The following KIAA1586 variants were observed in gnomAD, a reference collection of about 807,000 sequenced individuals.
KIAA1586 encodes KIAA1586.
In KIAA1586, 5 loss-of-function variants were observed where a neutral mutation model predicts 6.1. The ratio of observed to expected loss-of-function variants is 0.82; its 90% CI spans 0.43 to 1.73. The LOEUF is 1.73. KIAA1586 is among the 40% of genes most tolerant of loss of function. KIAA1586 has a pLI of 0.02. For synonymous variants in KIAA1586, 280 were observed against 301.7 expected, an observed-to-expected ratio of 0.93 and a Z score of 0.75; for missense variants, 899 against 878.2, an observed-to-expected ratio of 1.02 and a Z score of -0.30.
rs1828307347 is a variant in KIAA1586 at position 57,050,967 on chromosome 6, C to T, written c.186+113C>T. 8.2e-6 allele frequency: 6 copies of T among 733,944 alleles called. 1 individual carries two copies. Among genetic ancestry groups the T allele is most frequent in the African/African-American group, 3.6e-5 (2 of 55,238 alleles). The allele number at this position is 733,944 out of a possible 1,614,324, so 45.5% of individuals were successfully genotyped here. A position where few individuals can be genotyped will look rare whatever the true frequency, so the allele number is the denominator to read the frequency against. ...ATTGTTGGCCAGGCACGGTGGCTCT[C>T]GCTTGTAATCCCAGCACTTTGGGAG... On this transcript the variant is annotated intron_variant, in intron 3 of 3. Coordinates refer to ENST00000370733, the MANE Select transcript of KIAA1586 (RefSeq NM_020931.4).
At position 57,055,132 on chromosome 6, in the gene KIAA1586, C is replaced by CT. The variant is rs1430960011; in HGVS notation, c.*272dup. 3 of 212,786 alleles carry CT rather than the reference C, an allele frequency of 1.4e-5. No individual in the cohort carries two copies. Among genetic ancestry groups the CT allele is most frequent in the African/African-American group, 6.9e-5 (3 of 43,232 alleles). 13.2% of individuals were successfully genotyped at this position (212,786 alleles called of 1,614,324 possible). On this transcript the variant is annotated 3_prime_UTR_variant, in exon 4 of 4. Transcript: ENST00000370733. ...CCGTTTATAATTTTGTACTGTTTTA[C>CT]TTTAAGTAAGGATGCAAAAAATAGC... is the stretch of plus-strand genomic sequence containing the variant.
At chr6:57,065,001 A>G in the KIAA1586 span, among the ~76,000 whole-genome samples, 54 of 152,246 alleles carry the variant, frequency 3.5e-4, 1 homozygote, top group East Asian at 7.5e-3. Context: ...GCTGAAGCTC[A>G]GCTTCCACAG....
chr6:57,054,431 A>T lies in KIAA1586; in HGVS notation c.1932A>T (p.Ile644=). The T allele has an allele frequency of 6.2e-7, 1 of 1,609,506 alleles. No homozygotes were observed. Among genetic ancestry groups the T allele is most frequent in the Non-Finnish European group, 8.5e-7 (1 of 1,177,898 alleles). ...LEPSTWPYEE[I]TSPWIAGEKT... is the part of the protein sequence containing the mutation. ...CTTCCACATGGCCTTATGAAGAAATAACTTCACCATGGATAGCTGGTGAAA... is the reference window on the plus strand; with the variant it reads ...CTTCCACATGGCCTTATGAAGAAATTACTTCACCATGGATAGCTGGTGAAA... The change falls in exon 4 of 4, where the codon ATA becomes ATT. Residue 644 remains isoleucine (I), a synonymous_variant. Transcript: ENST00000370733.
chr6:57,066,578 A>G, the KIAA1586 span, among the ~76,000 whole-genome samples: 1 of 152,146 alleles, frequency 6.6e-6, no homozygotes, highest in East Asian at 1.9e-4. Context: ...ATGTTTGCAT[A>G]GAGGACAGAC....
chr6:57,053,800 TAAAAC>T lies in KIAA1586; in HGVS notation c.1305_1309del (p.Lys435AsnfsTer2), dbSNP rs969547033. ...TCACTTGATGATTCTATATCCGAAATAAAACAAATTAATCATTTAAAAATATTTAT... is the reference window on the plus strand; with the variant it reads ...TCACTTGATGATTCTATATCCGAAATAAATTAATCATTTAAAAATATTTAT... On this transcript the variant is annotated frameshift_variant, in exon 4 of 4. Coordinates refer to ENST00000370733, the MANE Select transcript of KIAA1586 (RefSeq NM_020931.4). LOFTEE classifies it low-confidence loss of function (END_TRUNC). The T allele has an allele frequency of 7.2e-6, 11 of 1,527,182 alleles. No homozygotes were observed. The highest frequency in any genetic ancestry group is 4.2e-5 in the African/African-American group (3 of 71,652). The allele number at this position is 1,527,182 out of a possible 1,614,324, so 94.6% of individuals were successfully genotyped here.
chr6:57,065,254 C>T, the KIAA1586 span, among the ~76,000 whole-genome samples: 1 of 151,652 alleles, frequency 6.6e-6, no homozygotes, highest in Non-Finnish European at 1.5e-5. Context: ...ATATTTTGTT[C>T]CTAATTTTTC....
chr6:57,053,635 A>C lies in KIAA1586; in HGVS notation c.1136A>C (p.Tyr379Ser). 6.2e-7 allele frequency: 1 copy of C among 1,611,846 alleles called. No homozygotes were observed. The highest frequency in any genetic ancestry group is 8.5e-7 in the Non-Finnish European group (1 of 1,178,364). The change falls in exon 4 of 4, where the codon TAT becomes TCT. Residue 379 changes from tyrosine (Y) to serine (S), a missense_variant. Transcript: ENST00000370733. ...AATGATTGTGGTTTTACAAATGAAT[A>C]TTTGAAAGCAAATTTAATTGCATTT... Reference protein sequence around the residue: ...TLNDCGFTNEYLKANLIAFCS... With the variant: ...TLNDCGFTNESLKANLIAFCS...
chr6:57,051,283 G>T (rs62415861), intron 3 of KIAA1586, among the ~76,000 whole-genome samples: 12,753 of 150,908 alleles, frequency 0.085, 722 homozygotes, highest in East Asian at 0.096. Context: ...TTTGTGAGCT[G>T]ATTGTAAACA....
Position 57,053,823 on chromosome 6 carries a change from ATATT to A in KIAA1586, c.1329_1332del (p.Phe443LeufsTer19), listed in dbSNP as rs1404542934. On this transcript the variant is annotated frameshift_variant, in exon 4 of 4. Coordinates refer to ENST00000370733, the MANE Select transcript of KIAA1586 (RefSeq NM_020931.4). LOFTEE classifies it low-confidence loss of function (END_TRUNC). Reference sequence around the variant, plus strand: ...AATAAAACAAATTAATCATTTAAAAATATTTATTGATAAAATTTATTCTATTTAT... The same window carrying A: ...AATAAAACAAATTAATCATTTAAAAATATTGATAAAATTTATTCTATTTAT... 3.4e-6 allele frequency: 5 copies of A among 1,488,230 alleles called. No individual in the cohort carries two copies. Among genetic ancestry groups the A allele is most frequent in the Non-Finnish European group, 4.5e-6 (5 of 1,106,330 alleles). 92.2% of individuals were successfully genotyped at this position (1,488,230 alleles called of 1,614,324 possible).
At chr6:57,048,881 G>A (rs1396903091) in intron 2 of KIAA1586, among the ~76,000 whole-genome samples, 1 of 152,150 alleles carries the variant, frequency 6.6e-6, no homozygotes, top group African/African-American at 2.4e-5. Context: ...GTTTGGAAAA[G>A]TAAATAGGTA....
downstream of KIAA1586, among the ~76,000 whole-genome samples, chr6:57,058,131 G>C (rs560715594): frequency 6.6e-6 from 1 of 151,820 alleles, no homozygotes; most frequent in South Asian, 2.1e-4. Context: ...TGTTATAACA[G>C]TTTCAGCTAG....
intron 3 of KIAA1586, among the ~76,000 whole-genome samples, chr6:57,051,899 G>A (rs1011066490): frequency 3.9e-5 from 6 of 152,130 alleles, no homozygotes; most frequent in African/African-American, 9.7e-5. Context: ...GCTTGAACCC[G>A]GGAGGTGGAG....
chr6:57,056,011 C>CTAAGGT (rs1828492148), downstream of KIAA1586, among the ~76,000 whole-genome samples: 1 of 151,618 alleles, frequency 6.6e-6, no homozygotes, highest in Admixed American at 6.6e-5. Context: ...TTAGAAGGAA[C>CTAAGGT]TAAGGTTGTA....
the KIAA1586 span, among the ~76,000 whole-genome samples, chr6:57,060,803 A>G: frequency 6.6e-6 from 1 of 151,640 alleles, no homozygotes; most frequent in East Asian, 1.9e-4. Context: ...TGAAAATGTG[A>G]TTTATTTATT....
Position 57,054,040 on chromosome 6 carries a change from C to T in KIAA1586, c.1541C>T (p.Ala514Val), listed in dbSNP as rs777041437. Residue 514 changes from alanine (A) to valine (V), a missense_variant, in exon 4 of 4, where the codon GCG (alanine) becomes GTG (valine). Transcript: ENST00000370733. ...TTTTCTCATTCTTACTCTGGTTTGG[C>T]GAAGAGATTAGCTAACATTAATTTC... The part of the protein sequence containing the change: ...MHFSHSYSGL[A>V]KRLANINFLQ... The T allele has an allele frequency of 2.0e-5, 32 of 1,610,130 alleles. No homozygotes were observed. Among genetic ancestry groups the T allele is most frequent in the South Asian group, 3.3e-5 (3 of 90,428 alleles).
Position 57,050,995 on chromosome 6 carries a change from C to T in KIAA1586, c.186+141C>T, listed in dbSNP as rs576498652. 3.6e-4 allele frequency: 202 copies of T among 565,898 alleles called. 3 individuals carry two copies. In the South Asian group the frequency reaches 3.7e-3, roughly 10 times the overall value. 35.1% of individuals were successfully genotyped at this position (565,898 alleles called of 1,614,324 possible). A position where few individuals can be genotyped will look rare whatever the true frequency, so the allele number is the denominator to read the frequency against. ...TTGTAATCCCAGCACTTTGGGAGGC[C>T]GAGGCGGTTGGATCACTTGAGGCCA... On this transcript the variant is annotated intron_variant, in intron 3 of 3. Transcript: ENST00000370733.
At chr6:57,065,842 T>A in the KIAA1586 span, among the ~76,000 whole-genome samples, 1 of 152,188 alleles carries the variant, frequency 6.6e-6, no homozygotes, top group Non-Finnish European at 1.5e-5. Flanking sequence ...ATCTTTGAAT[T>A]TCAGTTATTC....
chr6:57,060,150 A>G (rs1442455166), downstream of KIAA1586, among the ~76,000 whole-genome samples: 1 of 152,196 alleles, frequency 6.6e-6, no homozygotes, highest in Non-Finnish European at 1.5e-5. Context: ...ATAATCTTGT[A>G]TAGCAAATCT....
rs1828459732 is a variant in KIAA1586 at position 57,054,738 on chromosome 6, G to A, written c.2239G>A (p.Asp747Asn). The A allele has an allele frequency of 1.2e-5, 18 of 1,551,340 alleles. No individual in the cohort carries two copies. The highest frequency in any genetic ancestry group is 1.4e-5 in the Non-Finnish European group (16 of 1,146,804). Residue 747 changes from aspartate to asparagine, a missense_variant, in exon 4 of 4, where the codon GAT (aspartate) becomes AAT (asparagine). Physicochemically the swap from Asp to Asn is conservative, Grantham distance 23 (BLOSUM62 1). Coordinates refer to ENST00000370733, the MANE Select transcript of KIAA1586 (RefSeq NM_020931.4). ...NLLGKELADWDATPFVKSWSN... is the reference protein window; with the variant it reads ...NLLGKELADWNATPFVKSWSN... ...ACTGGGGAAAGAATTAGCAGATTGGGATGCAACACCGTTTGTAAAATCTTG... is the reference window on the plus strand; with the variant it reads ...ACTGGGGAAAGAATTAGCAGATTGGAATGCAACACCGTTTGTAAAATCTTG...
Sources: allele counts gnomAD v4.1 joint callset (sites outside exome capture counted in the v4.1 genomes callset), GRCh38; gene constraint gnomAD v4.1.1; transcripts MANE v1.5; gene names NCBI Gene and HGNC (gene_info 2026-07-23, HGNC 2026-07-21).